Variants in GLI2 observed in about 807,000 individuals in gnomAD.
The protein encoded by GLI2 is transcription activator GLI2.
Under a neutral mutation model 78.9 loss-of-function variants are expected in GLI2, and 22 were observed. The ratio of observed to expected loss-of-function variants is 0.28; its 90% CI spans 0.20 to 0.40. The LOEUF (loss-of-function observed/expected upper bound fraction) is 0.40. Ranked by LOEUF, GLI2 falls within the 10% of genes least tolerant of loss-of-function variation. The pLI is 1.00. For missense variants in GLI2, 2,097 were observed against 2,213.2 expected, an observed-to-expected ratio of 0.95 and a Z score of 1.05; for synonymous variants, 974 against 963.7, an observed-to-expected ratio of 1.01 and a Z score of -0.20.
chr2:120,749,287 C>T (rs1400938973), intron 1 of GLI2, among the ~76,000 whole-genome samples: 3 of 152,130 alleles, frequency 2.0e-5, no homozygotes, highest in Non-Finnish European at 4.4e-5. Flanking sequence ...TATAAGTTAA[C>T]CAGGTAGTCT....
intron 2 of GLI2, among the ~76,000 whole-genome samples, chr2:120,926,267 C>T (rs552681396): frequency 1.3e-5 from 2 of 149,446 alleles, no homozygotes; most frequent in East Asian, 2.0e-4. Flanking sequence ...GGTGAAGTTT[C>T]GCTCTTTGCC....
At chr2:120,949,188 TAGC>T (rs1282117404) in intron 3 of GLI2, among the ~76,000 whole-genome samples, 2 of 152,152 alleles carry the variant, frequency 1.3e-5, no homozygotes, top group African/African-American at 4.8e-5. Flanking sequence ...CGGGCACACA[TAGC>T]AGCCCCCGCC....
intron 2 of GLI2, among the ~76,000 whole-genome samples, chr2:120,910,770 C>T (rs1678777289): frequency 6.6e-6 from 1 of 152,234 alleles, no homozygotes; most frequent in South Asian, 2.1e-4. Flanking sequence ...AAACAGATAA[C>T]TCCCCTCCCC....
intron 2 of GLI2, among the ~76,000 whole-genome samples, chr2:120,812,621 C>T (rs112351291): frequency 0.01 from 1,530 of 152,294 alleles, 24 homozygotes; most frequent in South Asian, 0.017. Context: ...CCTCTCCCTA[C>T]CCTCACACCC....
At chr2:120,736,464 C>T (rs1452382127) in intron 1 of GLI2, among the ~76,000 whole-genome samples, 179 bp downstream of exon 1, 3 of 151,948 alleles carry the variant, frequency 2.0e-5, no homozygotes, top group African/African-American at 7.2e-5. Flanking sequence ...GTAGGCGCGA[C>T]CCCGCCTGGG....
intron 4 of GLI2, among the ~76,000 whole-genome samples, chr2:120,952,422 C>T (rs1458494079): frequency 2.0e-5 from 3 of 152,172 alleles, no homozygotes; most frequent in Admixed American, 2.0e-4. Flanking sequence ...GCATCCTCTT[C>T]CAACTGGTGG....
In GLI2 at chr2:120,989,149, G is replaced by A. The variant is rs1330259381; in HGVS notation, c.3184G>A (p.Asp1062Asn). ...YIKAHASGAL[D>N]EGTGQVYPTE... ...CAAGGCGCACGCCAGTGGCGCTCTG[G>A]ACGAGGGCACCGGGCAGGTGTATCC... The change falls in exon 14 of 14, where the codon GAC becomes AAC. Residue 1062 changes from aspartate to asparagine, a missense_variant. Physicochemically the swap from Asp to Asn is conservative, Grantham distance 23 (BLOSUM62 1). Coordinates refer to ENST00000361492, the MANE Select transcript of GLI2 (RefSeq NM_001374353.1). The A allele has an allele frequency of 1.9e-6, 3 of 1,613,120 alleles. No homozygotes were observed. The South Asian group carries it at 3.3e-5, about 18-fold the overall frequency.
chr2:120,828,725 G>A (rs542286249), intron 2 of GLI2, among the ~76,000 whole-genome samples: 1 of 152,134 alleles, frequency 6.6e-6, no homozygotes, highest in African/African-American at 2.4e-5. Flanking sequence ...TTGAGGATGA[G>A]GTTTAAAGCT....
chr2:120,915,319 C>T (rs545709079), intron 2 of GLI2, among the ~76,000 whole-genome samples: 4 of 152,252 alleles, frequency 2.6e-5, no homozygotes, highest in East Asian at 1.9e-4. Flanking sequence ...CTCAGCCAGC[C>T]GGACACCAGC....
intron 2 of GLI2, among the ~76,000 whole-genome samples, chr2:120,925,799 G>T (rs549848883): frequency 2.0e-5 from 3 of 152,212 alleles, no homozygotes; most frequent in Non-Finnish European, 4.4e-5. Context: ...TGGGCCGGGC[G>T]TGGTGGCTCA....
At chr2:120,788,279 AG>A (rs1413494896) in intron 1 of GLI2, among the ~76,000 whole-genome samples, 1 of 152,236 alleles carries the variant, frequency 6.6e-6, no homozygotes, top group Non-Finnish European at 1.5e-5. Flanking sequence ...GTTCAGTCAC[AG>A]CACAAAGAGG....
intron 10 of GLI2, among the ~76,000 whole-genome samples, chr2:120,981,395 G>A (rs888921762): frequency 2.6e-5 from 4 of 152,154 alleles, no homozygotes; most frequent in South Asian, 2.1e-4. Context: ...CTTTATGTCA[G>A]TACCACATGC....
chr2:120,898,215 C>CACAAAA (rs1447294546), intron 2 of GLI2, among the ~76,000 whole-genome samples: 2 of 150,818 alleles, frequency 1.3e-5, no homozygotes, highest in African/African-American at 4.9e-5. Context: ...CACACACACA[C>CACAAAA]AAAATGATTG....
At chr2:120,854,411 G>C (rs1461350681) in intron 2 of GLI2, among the ~76,000 whole-genome samples, 1 of 152,168 alleles carries the variant, frequency 6.6e-6, no homozygotes, top group Non-Finnish European at 1.5e-5. Context: ...AGGCCGACAG[G>C]ATGTGTCATA....
rs566792359 is a variant in GLI2 at position 120,936,809 on chromosome 2, C to T, written c.254+9343C>T. Reference sequence around the variant, plus strand: ...ATGCATTCATTTATTCAGCCAAACTCATTGTTGCTGGATTTATTGTATCCC... The same window carrying T: ...ATGCATTCATTTATTCAGCCAAACTTATTGTTGCTGGATTTATTGTATCCC... On this transcript the variant is annotated intron_variant, in intron 3 of 13. Transcript: ENST00000361492. Among the ~76,000 whole-genome samples, 13 of 152,310 alleles carry T rather than the reference C, an allele frequency of 8.5e-5. No individual in the cohort carries two copies. The South Asian group carries it at 2.7e-3, about 32-fold the overall frequency.
intron 3 of GLI2, among the ~76,000 whole-genome samples, chr2:120,927,725 T>G (rs1679758088): frequency 6.6e-6 from 1 of 152,230 alleles, no homozygotes; most frequent in Non-Finnish European, 1.5e-5. Context: ...GGTGTATCTA[T>G]ACATGGTTTG....
At chr2:120,757,875 TG>T (rs1683079327) in intron 1 of GLI2, among the ~76,000 whole-genome samples, 1 of 152,238 alleles carries the variant, frequency 6.6e-6, no homozygotes, top group African/African-American at 2.4e-5. Flanking sequence ...TGATGTTCAT[TG>T]TCCTGAAAAG....
chr2:120,762,688 A>G (rs1683249955), intron 1 of GLI2, among the ~76,000 whole-genome samples: 1 of 152,028 alleles, frequency 6.6e-6, no homozygotes, highest in African/African-American at 2.4e-5. Context: ...GTGTAGGCTC[A>G]GCACCAGCCC....
intron 2 of GLI2, among the ~76,000 whole-genome samples, chr2:120,844,577 A>AGG (rs2104588997): frequency 6.6e-6 from 1 of 152,280 alleles, no homozygotes; most frequent in South Asian, 2.1e-4. Context: ...TAAAATGGGA[A>AGG]GGTTGGACTA....
Sources: allele counts gnomAD v4.1 joint callset (sites outside exome capture counted in the v4.1 genomes callset), GRCh38; gene constraint gnomAD v4.1.1; transcripts MANE v1.5; gene names NCBI Gene and HGNC (gene_info 2026-07-23, HGNC 2026-07-21).